CARD19: variants seen among roughly 807,000 people sequenced by gnomAD.
The protein encoded by CARD19 is caspase recruitment domain family member 19.
Under a neutral mutation model 24.1 loss-of-function variants are expected in CARD19, and 25 were observed. The ratio of observed to expected loss-of-function variants is 1.04; its 90% CI spans 0.76 to 1.45. The LOEUF is 1.45. CARD19 is among the 40% of genes most tolerant of loss of function. The pLI is 0.00. For synonymous variants in CARD19, 103 were observed against 104.9 expected (o/e 0.98, Z 0.11); for missense variants, 241 against 247.4 (o/e 0.97, Z 0.17).
At chr9:93,107,558 C>T in intron 1 of CARD19, 116 bp from the exon 2 acceptor site, 3 of 1,213,746 alleles carry the variant, frequency 2.5e-6, no homozygotes, top group Non-Finnish European at 2.3e-6. Context: ...GGTTCACCCT[C>T]CTGGTGGGAA....
chr9:93,112,895 A>G (rs539996683), intron 5 of CARD19, 97 bp from the exon 6 acceptor site: 1 of 741,150 alleles, frequency 1.3e-6, no homozygotes, highest in African/African-American at 1.8e-5. Flanking sequence ...ACCCTGTCCC[A>G]GTGCCTGTTC....
chr9:93,113,094 TA>T lies in CARD19; in HGVS notation c.540del (p.Leu183SerfsTer?), dbSNP rs1564214225. 18 of 1,576,372 alleles carry T rather than the reference TA, an allele frequency of 1.1e-5. No individual in the cohort carries two copies. In the South Asian group the frequency reaches 1.6e-4, roughly 14 times the overall value. ...CTGCTGGCCTTCCTGGCAGATGACC[TA>T]GGGGGGCTCTGACAGACCCTGGACC... Reference protein sequence around the residue: ...RYLLAFLADDLGGL With the variant: ...RYLLAFLADDXGGL On this transcript the variant is annotated frameshift_variant, in exon 6 of 6. Coordinates refer to ENST00000375464, the MANE Select transcript of CARD19 (RefSeq NM_032310.5). LOFTEE classifies it high-confidence loss of function.
chr9:93,110,710 G>T lies in CARD19; in HGVS notation c.293G>T (p.Arg98Leu). 1 of 1,611,050 alleles carries T rather than the reference G, an allele frequency of 6.2e-7. No individual in the cohort carries two copies. Reference sequence around the variant, plus strand: ...CCCCTGCACAGCCGCCTGCCCAGCCGCCACGCTCTGCGTAAGTTCCACATC... The same window carrying T: ...CCCCTGCACAGCCGCCTGCCCAGCCTCCACGCTCTGCGTAAGTTCCACATC... The part of the protein sequence containing the change: ...AQPLHSRLPS[R>L]HALQNSDCTE... The change falls in exon 3 of 6, where the codon CGC becomes CTC. Residue 98 changes from arginine to leucine, a missense_variant. Transcript: ENST00000375464.
chr9:93,097,265 C>T (rs944833487), intron 1 of CARD19, among the ~76,000 whole-genome samples: 5 of 151,632 alleles, frequency 3.3e-5, no homozygotes, highest in Non-Finnish European at 5.9e-5. Flanking sequence ...GGTGCTCGCT[C>T]TCTTGAGTCT....
chr9:93,096,358 C>T lies in CARD19; in HGVS notation c.7+6C>T. On this transcript the variant is annotated splice_donor_region_variant and intron_variant, in intron 1 of 5. Transcript: ENST00000375464. The surrounding 1 kb of genome is among the most constrained non-coding windows in gnomAD (Gnocchi z 5.4). ...TGTGTCCGTCGCCATGACAGGTGGGCACGGGGTCGGCTGGGCGGCAGGGAT... is the reference window on the plus strand; with the variant it reads ...TGTGTCCGTCGCCATGACAGGTGGGTACGGGGTCGGCTGGGCGGCAGGGAT... The T allele has an allele frequency of 1.6e-6, 2 of 1,225,974 alleles. No individual in the cohort carries two copies. Among genetic ancestry groups the T allele is most frequent in the Non-Finnish European group, 2.0e-6 (2 of 984,090 alleles). 75.9% of individuals were successfully genotyped at this position (1,225,974 alleles called of 1,614,324 possible).
intron 1 of CARD19, among the ~76,000 whole-genome samples, chr9:93,098,502 A>G (rs551954105): frequency 6.6e-6 from 1 of 152,284 alleles, no homozygotes; most frequent in South Asian, 2.1e-4. Context: ...GCAAGAAGGA[A>G]GGGGATGTAG....
intron 3 of CARD19, chr9:93,111,096 C>G: frequency 7.8e-7 from 1 of 1,285,562 alleles, no homozygotes. Context: ...AGCTGCATGG[C>G]GCTCCTAGGC....
chr9:93,101,271 G>A (rs1827070471), intron 1 of CARD19, among the ~76,000 whole-genome samples: 1 of 152,056 alleles, frequency 6.6e-6, no homozygotes, highest in Non-Finnish European at 1.5e-5. Flanking sequence ...TAGAGACGGG[G>A]CTTCGCCATG....
In CARD19 at chr9:93,111,224, A is replaced by G. The variant is rs146664779; in HGVS notation, c.304+503A>G. The stretch of plus-strand genomic sequence containing the variant: ...CGGATGGCTGGTCCGAAGCACGTGC[A>G]TTTCAGTTTTGAGGCTCCTGTCCTC... On this transcript the variant is annotated intron_variant, in intron 3 of 5. Transcript: ENST00000375464. 58 of 1,177,398 alleles carry G rather than the reference A, an allele frequency of 4.9e-5. 1 individual carries two copies. In the East Asian group the frequency reaches 2.1e-3, roughly 43 times the overall value. The allele number at this position is 1,177,398 out of a possible 1,614,324, so 72.9% of individuals were successfully genotyped here.
intron 3 of CARD19, chr9:93,111,636 C>T: frequency 1.5e-6 from 2 of 1,374,848 alleles, no homozygotes; most frequent in Non-Finnish European, 1.9e-6. Flanking sequence ...CAAGCCTTGG[C>T]CCCACTGGAG....
Position 93,096,372 on chromosome 9 carries a change from G to A in CARD19, c.7+20G>A. 2.4e-6 allele frequency: 3 copies of A among 1,225,690 alleles called. No individual in the cohort carries two copies. The highest frequency in any genetic ancestry group is 3.0e-6 in the Non-Finnish European group (3 of 983,898). The allele number at this position is 1,225,690 out of a possible 1,614,324, so 75.9% of individuals were successfully genotyped here. ...TGACAGGTGGGCACGGGGTCGGCTGGGCGGCAGGGATGCGGGCGCCCTGGA... is the reference window on the plus strand; with the variant it reads ...TGACAGGTGGGCACGGGGTCGGCTGAGCGGCAGGGATGCGGGCGCCCTGGA... On this transcript the variant is annotated intron_variant, in intron 1 of 5. Transcript: ENST00000375464. This position sits in a 1 kb window ranked among gnomAD's most constrained non-coding sequence, Gnocchi z 5.4.
rs1054543359 is a variant in CARD19, at chr9:93,096,305, G to T, written c.-41G>T. The T allele has an allele frequency of 1.5e-4, 179 of 1,225,140 alleles. No homozygotes were observed. The highest frequency in any genetic ancestry group is 1.8e-4 in the Non-Finnish European group (173 of 983,718). The allele number at this position is 1,225,140 out of a possible 1,614,324, so 75.9% of individuals were successfully genotyped here. ...GACCGAGGGGCGGACGCGCGGCGGG[G>T]CAGACCGCTGGGGACTGCGGGCGGC... On this transcript the variant is annotated 5_prime_UTR_variant, in exon 1 of 6. Transcript: ENST00000375464. This position sits in a 1 kb window ranked among gnomAD's most constrained non-coding sequence, Gnocchi z 5.4.
rs142144869 is a variant in CARD19, at chr9:93,100,412, C to T, written c.7+4060C>T. Among the ~76,000 whole-genome samples the T allele has an allele frequency of 9.1e-3, 1,391 of 152,264 alleles. 20 individuals carry two copies. Among genetic ancestry groups the T allele is most frequent in the African/African-American group, 0.032 (1,315 of 41,532 alleles). The stretch of plus-strand genomic sequence containing the variant: ...TGCAACCTCCGCCTCCCAGGTTAAA[C>T]GATTCACCTGCCTTGGCCTCCCAAA... On this transcript the variant is annotated intron_variant, in intron 1 of 5. Transcript: ENST00000375464.
intron 5 of CARD19, 103 bp downstream of exon 5, chr9:93,112,392 C>T: frequency 1.1e-6 from 1 of 918,836 alleles, no homozygotes; most frequent in Admixed American, 2.0e-5. Context: ...CCTCTTCGTA[C>T]CTCGGTGTCC....
rs1047694745 is a variant in CARD19 at position 93,113,085 on chromosome 9, C to G, written c.530C>G (p.Ala177Gly). 1.3e-6 allele frequency: 2 copies of G among 1,586,536 alleles called. No individual in the cohort carries two copies. Among genetic ancestry groups the G allele is most frequent in the South Asian group, 2.3e-5 (2 of 87,568 alleles). ...AGCCGCTACCTGCTGGCCTTCCTGG[C>G]AGATGACCTAGGGGGGCTCTGACAG... Reference protein sequence around the residue: ...HVSRYLLAFLADDLGGL With the variant: ...HVSRYLLAFLGDDLGGL Residue 177 changes from alanine to glycine, a missense_variant, in exon 6 of 6, where the codon GCA (alanine) becomes GGA (glycine). Coordinates refer to ENST00000375464, the MANE Select transcript of CARD19 (RefSeq NM_032310.5).
intron 1 of CARD19, among the ~76,000 whole-genome samples, chr9:93,105,152 G>A (rs950490171): frequency 1.5e-4 from 22 of 150,878 alleles, no homozygotes; most frequent in Non-Finnish European, 8.8e-5. Flanking sequence ...AGGTTTTAGC[G>A]CGGTGTAAGG....
At chr9:93,102,225 G>C (rs554868109) in intron 1 of CARD19, among the ~76,000 whole-genome samples, 3 of 152,196 alleles carry the variant, frequency 2.0e-5, no homozygotes, top group African/African-American at 7.2e-5. Context: ...GCTCCCCTTA[G>C]CCTCCCAAAG....
chr9:93,111,509 C>G, intron 3 of CARD19: 1 of 1,134,530 alleles, frequency 8.8e-7, no homozygotes, highest in Non-Finnish European at 1.1e-6. Context: ...CCTCACAGAA[C>G]ACAGTGCAGA....
intron 1 of CARD19, among the ~76,000 whole-genome samples, chr9:93,106,496 A>G (rs1438816054): frequency 6.7e-6 from 1 of 149,392 alleles, no homozygotes; most frequent in East Asian, 2.0e-4. Context: ...TGAACCCAGG[A>G]GGCAGAGGTT....
Sources: gnomAD v4.1 joint callset for allele counts (sites outside exome capture counted in the v4.1 genomes callset) on GRCh38, gnomAD v4.1.1 for gene constraint, Gnocchi (gnomAD v3.1) non-coding constraint, MANE v1.5 for transcripts, NCBI Gene and HGNC (gene_info 2026-07-23, HGNC 2026-07-21) for gene names.